The following OVCH1 variants were observed in gnomAD, a reference collection of about 807,000 sequenced individuals.
OVCH1 encodes ovochymase-1.
Under a neutral mutation model 138.4 loss-of-function variants are expected in OVCH1, and 139 were observed. The observed-to-expected ratio is 1.00, with a 90% CI of 0.87 to 1.16. The LOEUF is 1.16. OVCH1 is among the 50% of genes most tolerant of loss of function. OVCH1 has a pLI of 0.00. For missense variants in OVCH1, 1,367 were observed against 1,357.9 expected (o/e 1.01, Z -0.11); for synonymous variants, 453 against 467.8 (o/e 0.97, Z 0.41).
the OVCH1 span, among the ~76,000 whole-genome samples, chr12:29,405,337 T>C: frequency 6.6e-6 from 1 of 152,214 alleles, no homozygotes; most frequent in South Asian, 2.1e-4. Flanking sequence ...ATGCAATCCT[T>C]GAATTACCAT....
chr12:29,455,611 A>C (rs1941926833), intron 19 of OVCH1, among the ~76,000 whole-genome samples: 1 of 152,206 alleles, frequency 6.6e-6, no homozygotes, highest in African/African-American at 2.4e-5. Context: ...TGGTAATTTG[A>C]TTCCAGGGTG....
Position 29,444,287 on chromosome 12 carries a change from G to T in OVCH1, c.2882-7C>A. 1 of 1,608,532 alleles carries T rather than the reference G, an allele frequency of 6.2e-7. No homozygotes were observed. Among genetic ancestry groups the T allele is most frequent in the Non-Finnish European group, 8.5e-7 (1 of 1,177,446 alleles). ...ATTTTACTGTCCTTTGGACCTAAAA[G>T]AACAGGAAGCAGAGAAAATGAGAAT... On this transcript the variant is annotated splice_polypyrimidine_tract_variant and splice_region_variant and intron_variant, in intron 23 of 27. Transcript: ENST00000318184.
At chr12:29,452,049 G>A (rs139101625) in intron 21 of OVCH1, among the ~76,000 whole-genome samples, 13 of 152,234 alleles carry the variant, frequency 8.5e-5, no homozygotes, top group African/African-American at 3.1e-4. Flanking sequence ...GGGCACCTTT[G>A]GACCTTTGGG....
At chr12:29,425,313 T>G (rs181196164), downstream of OVCH1, among the ~76,000 whole-genome samples, 1 of 152,324 alleles carries the variant, frequency 6.6e-6, no homozygotes, top group East Asian at 1.9e-4. Flanking sequence ...AGGTTGAAGA[T>G]AGGTGGCTGG....
Position 29,427,623 on chromosome 12 carries a change from A to G in OVCH1, c.3353T>C (p.Ile1118Thr). ...AGGCACCAAATCTGCTGGCACCTGG[A>G]TCCTGGACTTCTCAGCCTCCATACT... The change falls in exon 28 of 28, where the codon ATC (isoleucine) becomes ACC (threonine). Residue 1118 changes from isoleucine to threonine, a missense_variant. Coordinates refer to ENST00000318184, the Ensembl canonical transcript of OVCH1. 3 of 1,551,322 alleles carry G rather than the reference A, an allele frequency of 1.9e-6. No homozygotes were observed. In the Middle Eastern group the frequency reaches 5.0e-4, roughly 259 times the overall value.
chr12:29,403,968 G>A, the OVCH1 span, among the ~76,000 whole-genome samples: 3 of 152,158 alleles, frequency 2.0e-5, no homozygotes, highest in African/African-American at 7.2e-5. Context: ...AAGTTCCCAG[G>A]AGGCATGAAA....
chr12:29,496,471 A>T (rs1033237747), intron 2 of OVCH1, 85 bp downstream of exon 2: 13 of 1,299,812 alleles, frequency 1.0e-5, no homozygotes, highest in Non-Finnish European at 1.4e-5. Context: ...GAAAAACTAC[A>T]TATCAACGTG....
intron 26 of OVCH1, among the ~76,000 whole-genome samples, chr12:29,437,075 G>A (rs1305067798): frequency 1.3e-5 from 2 of 152,084 alleles, no homozygotes; most frequent in Non-Finnish European, 1.5e-5. Context: ...TCGATACAGA[G>A]CGCTGATTGG....
chr12:29,477,165 A>G (rs762759845), exon 12 of OVCH1: 1 of 1,613,696 alleles, frequency 6.2e-7, no homozygotes, highest in Non-Finnish European at 8.5e-7. Flanking sequence ...TGGGATACAA[A>G]TCAGGATACT....
At chr12:29,480,675 G>A (rs951729316) in intron 8 of OVCH1, among the ~76,000 whole-genome samples, 1 of 152,148 alleles carries the variant, frequency 6.6e-6, no homozygotes, top group Non-Finnish European at 1.5e-5. Flanking sequence ...TGAAAGGAAG[G>A]AGGGCAACCT....
intron 8 of OVCH1, among the ~76,000 whole-genome samples, chr12:29,483,525 G>T (rs1279774365): frequency 6.6e-6 from 1 of 152,082 alleles, no homozygotes; most frequent in African/African-American, 2.4e-5. Context: ...CATACCCATT[G>T]GTTGTAGCAT....
intron 23 of OVCH1, among the ~76,000 whole-genome samples, 164 bp from the exon 24 acceptor site, chr12:29,444,444 A>G (rs2135926823): frequency 6.6e-6 from 1 of 152,200 alleles, no homozygotes; most frequent in African/African-American, 2.4e-5. Flanking sequence ...CTCCGTCTTA[A>G]ATATTCAAAA....
In OVCH1 at chr12:29,491,094, T is replaced by TA. The variant is rs1943260415; in HGVS notation, c.550+2dup. The TA allele has an allele frequency of 6.2e-7, 1 of 1,612,036 alleles. No individual in the cohort carries two copies. Among genetic ancestry groups the TA allele is most frequent in the Non-Finnish European group, 8.5e-7 (1 of 1,178,310 alleles). On this transcript the variant is annotated splice_region_variant and intron_variant, in intron 5 of 27. Transcript: ENST00000318184. Reference sequence around the variant, plus strand: ...AGTATTAAGTCATTTTGGTGTCTCTTACTTTTGGAAATCTTGCCCCATCCA... The same window carrying TA: ...AGTATTAAGTCATTTTGGTGTCTCTTAACTTTTGGAAATCTTGCCCCATCCA...
intron 25 of OVCH1, among the ~76,000 whole-genome samples, chr12:29,442,919 A>G (rs1941524602): frequency 6.6e-6 from 1 of 152,038 alleles, no homozygotes; most frequent in Non-Finnish European, 1.5e-5. Context: ...CAAATTAAAT[A>G]AAAACAACGA....
chr12:29,404,756 G>C, the OVCH1 span, among the ~76,000 whole-genome samples: 101,031 of 151,778 alleles, frequency 0.67, 34,974 homozygotes, highest in Middle Eastern at 0.86. Flanking sequence ...GGCGCGGTGG[G>C]TCACGCCTGT....
At chr12:29,479,982 C>T (rs1028352899) in intron 8 of OVCH1, among the ~76,000 whole-genome samples, 2 of 151,910 alleles carry the variant, frequency 1.3e-5, no homozygotes, top group African/African-American at 2.4e-5. Flanking sequence ...CACCACCATG[C>T]CCAGCTAACT....
At chr12:29,413,643 G>A (rs571901860) in intron 3 of OVCH1, among the ~76,000 whole-genome samples, 2 of 145,794 alleles carry the variant, frequency 1.4e-5, no homozygotes, top group East Asian at 2.0e-4. Context: ...GTGCATTTAT[G>A]TATGTGTCTG....
intron 1 of OVCH1, among the ~76,000 whole-genome samples, chr12:29,497,110 A>G (rs2136104791): frequency 6.6e-6 from 1 of 152,248 alleles, no homozygotes; most frequent in South Asian, 2.1e-4. Flanking sequence ...TCTACAAAAA[A>G]ATGTAAAAAT....
intron 8 of OVCH1, among the ~76,000 whole-genome samples, chr12:29,481,728 A>G (rs1565606026): frequency 6.6e-6 from 1 of 152,176 alleles, no homozygotes; most frequent in Non-Finnish European, 1.5e-5. Flanking sequence ...AGTTGAGTCT[A>G]CTTTATCAAA....
Sources: gnomAD v4.1 joint callset for allele counts (sites outside exome capture counted in the v4.1 genomes callset) on GRCh38, gnomAD v4.1.1 for gene constraint, MANE v1.5 for transcripts, NCBI Gene and HGNC (gene_info 2026-07-23, HGNC 2026-07-21) for gene names.